Variants in NYAP2 observed in about 807,000 individuals in gnomAD.
NYAP2 encodes neuronal tyrosine-phosphorylated phosphoinositide-3-kinase adapter 2.
A neutral mutation model predicts 50.4 loss-of-function variants in NYAP2; 23 were observed. The ratio of observed to expected loss-of-function variants is 0.46; its 90% CI spans 0.33 to 0.65. The LOEUF (loss-of-function observed/expected upper bound fraction) is 0.65. Ranked by LOEUF, NYAP2 falls within the 30% of genes least tolerant of loss-of-function variation. The pLI, the probability that NYAP2 is intolerant of heterozygous loss-of-function variation, is 0.02. For synonymous variants in NYAP2, 394 were observed against 365.2 expected (o/e 1.08, Z -0.90); for missense variants, 885 against 861.0 (o/e 1.03, Z -0.35).
intron 3 of NYAP2, among the ~76,000 whole-genome samples, chr2:225,446,246 C>CTCTCTCTCTCTATATA (rs1239402824): frequency 2.4e-5 from 2 of 82,272 alleles, no homozygotes; most frequent in Non-Finnish European, 4.3e-5. Context: ...CTCTCTCTCT[C>CTCTCTCTCTCTATATA]TATATATATA....
intron 5 of NYAP2, among the ~76,000 whole-genome samples, chr2:225,596,520 A>G (rs12619149): frequency 0.95 from 145,043 of 152,252 alleles, 69,196 homozygotes; most frequent in Middle Eastern, 0.99. Flanking sequence ...GGGCAGGGAC[A>G]GTTTATATTT....
At chr2:225,536,941 G>C (rs913491860) in intron 4 of NYAP2, among the ~76,000 whole-genome samples, 1 of 151,806 alleles carries the variant, frequency 6.6e-6, no homozygotes, top group South Asian at 2.1e-4. Context: ...ACCACGCCCG[G>C]CTTTTTTATA....
chr2:225,476,905 T>C (rs1330253668), intron 3 of NYAP2, among the ~76,000 whole-genome samples: 2 of 152,234 alleles, frequency 1.3e-5, no homozygotes, highest in Non-Finnish European at 2.9e-5. Flanking sequence ...ATTTGTATAA[T>C]TGACTTTAAA....
At chr2:225,599,865 A>T (rs1692666144) in intron 5 of NYAP2, among the ~76,000 whole-genome samples, 1 of 152,216 alleles carries the variant, frequency 6.6e-6, no homozygotes, top group South Asian at 2.1e-4. Flanking sequence ...CATTTTTATT[A>T]TAAAATATAT....
chr2:225,421,854 T>C (rs1189475149), intron 3 of NYAP2, among the ~76,000 whole-genome samples: 1 of 152,338 alleles, frequency 6.6e-6, no homozygotes, highest in East Asian at 1.9e-4. Flanking sequence ...ATATTTTCTT[T>C]AGAAAGAAAT....
At position 225,623,127 on chromosome 2, in the gene NYAP2, G is replaced by A. The variant is rs192857180; in HGVS notation, c.1619-3790G>A. Among the ~76,000 whole-genome samples the A allele has an allele frequency of 2.3e-4, 35 of 152,300 alleles. No homozygotes were observed. The East Asian group carries it at 6.4e-3, about 28-fold the overall frequency. On this transcript the variant is annotated intron_variant, in intron 5 of 6. Transcript: ENST00000636099. ...ATTTAAAAACCTGAAATCTTTCTGA[G>A]ACTGTATTGGAAGAGACTATAGCAA...
intron 6 of NYAP2, among the ~76,000 whole-genome samples, chr2:225,649,834 G>A (rs998877129): frequency 5.9e-5 from 9 of 152,164 alleles, no homozygotes; most frequent in African/African-American, 1.9e-4. Flanking sequence ...TTTTATTTGA[G>A]AAGAACTAAA....
chr2:225,575,485 C>G (rs1692155082), intron 4 of NYAP2, among the ~76,000 whole-genome samples: 1 of 152,248 alleles, frequency 6.6e-6, no homozygotes, highest in East Asian at 1.9e-4. Flanking sequence ...TGTCTGCTAT[C>G]TCATCTAAGG....
chr2:225,651,928 T>G (rs1693740291), exon 7 of NYAP2: 1 of 178,198 alleles, frequency 5.6e-6, no homozygotes, highest in Admixed American at 6.0e-5. Flanking sequence ...TTTGATAAAT[T>G]TATCTACTTT....
intron 3 of NYAP2, among the ~76,000 whole-genome samples, chr2:225,428,018 G>A (rs1184385317): frequency 1.3e-5 from 2 of 152,090 alleles, no homozygotes; most frequent in Admixed American, 6.6e-5. Flanking sequence ...GCTCATTATT[G>A]TGCAGATCAA....
rs565504083 is a variant in NYAP2, at chr2:225,529,558, C to T, written c.523+15886C>T. ...CAGGGTAGTCTCAAACTCCTGGCCT[C>T]AAGTGATCTACCCGCCTCGGCCTCC... On this transcript the variant is annotated intron_variant, in intron 4 of 6. Transcript: ENST00000636099. Among the ~76,000 whole-genome samples, 3 of 152,196 alleles carry T rather than the reference C, an allele frequency of 2.0e-5. No individual in the cohort carries two copies. In the South Asian group the frequency reaches 6.2e-4, roughly 32 times the overall value.
chr2:225,602,527 T>G lies in NYAP2; in HGVS notation c.1618+19492T>G, dbSNP rs73090846. 6.8e-3 allele frequency among the ~76,000 whole-genome samples: 1,033 copies of G among 152,242 alleles called. 17 individuals carry two copies. Among genetic ancestry groups the G allele is most frequent in the African/African-American group, 0.024 (993 of 41,542 alleles). Reference sequence around the variant, plus strand: ...CTAACTGCCTGCTTGACCAGTTTCTTTCTTTCTCCTCTCTCATAATGTCAT... The same window carrying G: ...CTAACTGCCTGCTTGACCAGTTTCTGTCTTTCTCCTCTCTCATAATGTCAT... On this transcript the variant is annotated intron_variant, in intron 5 of 6. Transcript: ENST00000636099.
At chr2:225,578,796 G>T (rs1692213304) in intron 4 of NYAP2, among the ~76,000 whole-genome samples, 1 of 152,160 alleles carries the variant, frequency 6.6e-6, no homozygotes, top group South Asian at 2.1e-4. Flanking sequence ...TCGTTCATCT[G>T]TAAAGGTCTT....
At chr2:225,536,536 T>C (rs1039222899) in intron 4 of NYAP2, among the ~76,000 whole-genome samples, 6 of 151,980 alleles carry the variant, frequency 3.9e-5, no homozygotes, top group African/African-American at 1.5e-4. Context: ...TGTTTTTTTC[T>C]TTTTTCATTT....
intron 4 of NYAP2, among the ~76,000 whole-genome samples, chr2:225,570,838 C>T (rs970100405): frequency 2.6e-5 from 4 of 152,180 alleles, no homozygotes; most frequent in African/African-American, 9.6e-5. Flanking sequence ...ACCCAAAAGG[C>T]CAAGTCCAAA....
the NYAP2 span, among the ~76,000 whole-genome samples, chr2:225,695,074 C>T: frequency 6.6e-6 from 1 of 151,644 alleles, no homozygotes; most frequent in Admixed American, 6.6e-5. Flanking sequence ...TATTCTTATT[C>T]TTCTATTCTT....
In NYAP2 at chr2:225,592,367, C is replaced by T. The variant is rs1399444587; in HGVS notation, c.1618+9332C>T. On this transcript the variant is annotated intron_variant, in intron 5 of 6. Transcript: ENST00000636099. ...TGCACCAAAGCAATGAGCACCCTAG[C>T]AGCACTAATCTGAAAACTGACTGGG... Among the ~76,000 whole-genome samples, 3 of 152,194 alleles carry T rather than the reference C, an allele frequency of 2.0e-5. No homozygotes were observed. The East Asian group carries it at 5.8e-4, about 29-fold the overall frequency.
chr2:225,571,343 A>G (rs1321161864), intron 4 of NYAP2, among the ~76,000 whole-genome samples: 1 of 152,182 alleles, frequency 6.6e-6, no homozygotes, highest in African/African-American at 2.4e-5. Flanking sequence ...CCCACCCCAC[A>G]TTTCCCTTCC....
At chr2:225,540,980 C>T (rs1691458925) in intron 4 of NYAP2, among the ~76,000 whole-genome samples, 1 of 152,044 alleles carries the variant, frequency 6.6e-6, no homozygotes, top group East Asian at 1.9e-4. Flanking sequence ...TGGGAAAAGC[C>T]ATTTTAATTT....
Sources: gnomAD v4.1 joint callset for allele counts (sites outside exome capture counted in the v4.1 genomes callset) on GRCh38, gnomAD v4.1.1 for gene constraint, MANE v1.5 for transcripts, NCBI Gene and HGNC (gene_info 2026-07-23, HGNC 2026-07-21) for gene names.